REV3L: variants seen among roughly 807,000 people sequenced by gnomAD.
The protein encoded by REV3L is REV3 like, DNA directed polymerase zeta catalytic subunit.
In REV3L, 69 loss-of-function variants were observed where a neutral mutation model predicts 299.4. That is an observed-to-expected ratio of 0.23 (90% CI 0.19 to 0.28). The LOEUF (loss-of-function observed/expected upper bound fraction) is 0.28, where lower values mean the gene tolerates loss of function less well. Ranked by LOEUF, REV3L falls within the 10% of genes least tolerant of loss-of-function variation. REV3L has a pLI of 1.00. For missense variants in REV3L, 3,128 were observed against 3,693.8 expected (o/e 0.85, Z 3.97); for synonymous variants, 1,238 against 1,271.4 (o/e 0.97, Z 0.56).
intron 25 of REV3L, among the ~76,000 whole-genome samples, chr6:111,328,146 T>C (rs1775029094): frequency 1.3e-5 from 2 of 152,216 alleles, no homozygotes; most frequent in African/African-American, 4.8e-5. Context: ...ATTAAGTCAT[T>C]CTATGAAAAA....
chr6:111,478,250 T>C (rs1456192435), intron 1 of REV3L, among the ~76,000 whole-genome samples: 1 of 152,176 alleles, frequency 6.6e-6, no homozygotes, highest in Non-Finnish European at 1.5e-5. Context: ...TTATACACAT[T>C]TCTATAGTCC....
At position 111,309,755 on chromosome 6, in the gene REV3L, A is replaced by C. The variant is rs987402059; in HGVS notation, c.9042+98T>G. ...GGGACCACACTCTTCCCTTCCCAGC[A>C]CTCCCATATCAATAGCACATAAAAC... On this transcript the variant is annotated intron_variant, in intron 30 of 31. Coordinates refer to ENST00000368802, the MANE Select transcript of REV3L (RefSeq NM_001372078.1). The C allele has an allele frequency of 6.7e-6, 9 of 1,339,216 alleles. No individual in the cohort carries two copies. In the African/African-American group the frequency reaches 1.2e-4, roughly 18 times the overall value. The allele number at this position is 1,339,216 out of a possible 1,614,324, so 83.0% of individuals were successfully genotyped here.
intron 1 of REV3L, among the ~76,000 whole-genome samples, chr6:111,460,089 A>G (rs1290759197): frequency 6.6e-6 from 1 of 152,208 alleles, no homozygotes; most frequent in East Asian, 1.9e-4. Flanking sequence ...ACACAGCCAC[A>G]GAAAGAACAA....
chr6:111,374,601 C>T lies in REV3L; in HGVS notation c.3754G>A (p.Ala1252Thr). The change falls in exon 13 of 32, where the codon GCA (alanine) becomes ACA (threonine). Residue 1252 changes from alanine to threonine, a missense_variant. Physicochemically the swap from Ala to Thr is moderately conservative, Grantham distance 58. Transcript: ENST00000368802. ...AGTTGAGAGCCTCCAGAACTACTTG[C>T]AAATTCAGACACATTCTGGTGTTTC... ...VLKHQNVSEF[A>T]SSSGGSQLLF... The T allele has an allele frequency of 1.9e-6, 3 of 1,613,684 alleles. No homozygotes were observed. The highest frequency in any genetic ancestry group is 2.5e-6 in the Non-Finnish European group (3 of 1,179,880).
chr6:111,474,869 C>A (rs1005423111), intron 1 of REV3L, among the ~76,000 whole-genome samples: 4 of 151,876 alleles, frequency 2.6e-5, no homozygotes, highest in African/African-American at 9.7e-5. Context: ...AAACAGTATA[C>A]TTTAAAAGTT....
rs1189398273 is a variant in REV3L at position 111,303,165 on chromosome 6, C to CTTTTTTTTTT, written c.9253-3019_9253-3010dup. Among the ~76,000 whole-genome samples the CTTTTTTTTTT allele has an allele frequency of 5.8e-4, 54 of 92,346 alleles. 1 individual carries two copies. The highest frequency in any genetic ancestry group is 2.0e-3 in the African/African-American group (51 of 25,512). 60.6% of individuals were successfully genotyped at this position (92,346 alleles called of 152,430 possible). A position where few individuals can be genotyped will look rare whatever the true frequency, so the allele number is the denominator to read the frequency against. On this transcript the variant is annotated intron_variant, in intron 31 of 31. Transcript: ENST00000368802. ...AATGTACTGAGGCTTTCTTTTCTTT[C>CTTTTTTTTTT]TTTTTTTTTTTTTTTTTGAGATGAG...
chr6:111,307,859 A>G, intron 30 of REV3L: 1 of 349,624 alleles, frequency 2.9e-6, no homozygotes, highest in Non-Finnish European at 5.3e-6. Context: ...ATATGTATAC[A>G]TGTGCCATGT....
chr6:111,319,924 C>A (rs954609749), intron 26 of REV3L, among the ~76,000 whole-genome samples: 1 of 146,248 alleles, frequency 6.8e-6, no homozygotes, highest in Non-Finnish European at 1.5e-5. Flanking sequence ...CCAATTCCTG[C>A]GTTCAAGTGA....
chr6:111,403,734 A>T (rs1783330156), intron 4 of REV3L, among the ~76,000 whole-genome samples: 2 of 152,200 alleles, frequency 1.3e-5, no homozygotes, highest in South Asian at 4.1e-4. Flanking sequence ...TGTTCAAATG[A>T]AAGGAAGAGT....
At position 111,405,108 on chromosome 6, in the gene REV3L, T is replaced by TA. The variant is rs879801110; in HGVS notation, c.565+361dup. 5.7e-4 allele frequency among the ~76,000 whole-genome samples: 83 copies of TA among 144,484 alleles called. No homozygotes were observed. The East Asian group carries it at 0.01, about 18-fold the overall frequency. The allele number at this position is 144,484 out of a possible 152,430, so 94.8% of individuals were successfully genotyped here. A position where few individuals can be genotyped will look rare whatever the true frequency, so the allele number is the denominator to read the frequency against. Reference sequence around the variant, plus strand: ...AAAAAGTAACATTAAGGTCTGAGGTTAAAAAAAAAAAAGAATCACAATACA... The same window carrying TA: ...AAAAAGTAACATTAAGGTCTGAGGTTAAAAAAAAAAAAAGAATCACAATACA... On this transcript the variant is annotated intron_variant, in intron 4 of 31. Transcript: ENST00000368802.
chr6:111,305,056 C>T (rs921331809), intron 31 of REV3L, among the ~76,000 whole-genome samples: 2 of 151,936 alleles, frequency 1.3e-5, no homozygotes, highest in Non-Finnish European at 2.9e-5. Flanking sequence ...ATTCTCCTGC[C>T]TCAGCCTCCT....
At position 111,358,990 on chromosome 6, in the gene REV3L, C is replaced by T; in HGVS notation, c.6904G>A (p.Val2302Met). 6.2e-7 allele frequency: 1 copy of T among 1,613,612 alleles called. No individual in the cohort carries two copies. The highest frequency in any genetic ancestry group is 2.2e-5 in the East Asian group (1 of 44,872). ...CGTCTAGTTCGAGCATGCAACTCCA[C>T]ACTGATTAGGGTAAGATTTTGTATC... ...HEIQNLTLISVELHARTRRDL... is the reference protein window; with the variant it reads ...HEIQNLTLISMELHARTRRDL... The change falls in exon 17 of 32, where the codon GTG (valine) becomes ATG (methionine). Residue 2302 changes from valine (V) to methionine (M), a missense_variant. Transcript: ENST00000368802.
intron 30 of REV3L, 116 bp from the exon 31 acceptor site, chr6:111,307,686 A>G (rs1471793111): frequency 1.1e-6 from 1 of 919,540 alleles, no homozygotes; most frequent in African/African-American, 1.6e-5. Flanking sequence ...CACTCATTCA[A>G]CAAATGTTGA....
At position 111,331,695 on chromosome 6, in the gene REV3L, T is replaced by C. The variant is rs150810345; in HGVS notation, c.8015A>G (p.Asn2672Ser). ...QVRHDITVSPNGVAFVKPSVR... is the reference protein window; with the variant it reads ...QVRHDITVSPSGVAFVKPSVR... Reference sequence around the variant, plus strand: ...TATTACCTTGACAAAAGCTACTCCATTGGGGGACACTGTGATATCATGCCT... The same window carrying C: ...TATTACCTTGACAAAAGCTACTCCACTGGGGGACACTGTGATATCATGCCT... The change falls in exon 24 of 32, where the codon AAT becomes AGT. Residue 2672 changes from asparagine (N) to serine (S), a missense_variant. By Grantham distance (46) the Asn-to-Ser change is conservative (BLOSUM62 1). Coordinates refer to ENST00000368802, the MANE Select transcript of REV3L (RefSeq NM_001372078.1). 4.3e-5 allele frequency: 70 copies of C among 1,612,034 alleles called. No individual in the cohort carries two copies. Among genetic ancestry groups the C allele is most frequent in the Middle Eastern group, 1.7e-4 (1 of 6,052 alleles).
At chr6:111,401,538 T>G (rs1467155721) in intron 4 of REV3L, among the ~76,000 whole-genome samples, 2 of 152,206 alleles carry the variant, frequency 1.3e-5, no homozygotes, top group Non-Finnish European at 2.9e-5. Flanking sequence ...CATCTAAACC[T>G]GAGGTTATTA....
chr6:111,458,265 T>A (rs1402585375), intron 1 of REV3L, among the ~76,000 whole-genome samples: 1 of 151,832 alleles, frequency 6.6e-6, no homozygotes, highest in Non-Finnish European at 1.5e-5. Flanking sequence ...AACCCCTCAA[T>A]AAACTAGGTA....
rs139999631 is a variant in REV3L at position 111,377,415 on chromosome 6, C to T, written c.1597+286G>A. ...GCCATGGAGCAATCACAGCTCACTGCAGCCTCAAACCCTTGGGCTCAAGTA... is the reference window on the plus strand; with the variant it reads ...GCCATGGAGCAATCACAGCTCACTGTAGCCTCAAACCCTTGGGCTCAAGTA... On this transcript the variant is annotated intron_variant, in intron 12 of 31. Transcript: ENST00000368802. Among the ~76,000 whole-genome samples, 22 of 152,286 alleles carry T rather than the reference C, an allele frequency of 1.4e-4. No homozygotes were observed. In the East Asian group the frequency reaches 4.3e-3, roughly 29 times the overall value.
intron 1 of REV3L, among the ~76,000 whole-genome samples, chr6:111,444,003 A>G (rs1788567955): frequency 6.6e-6 from 1 of 152,234 alleles, no homozygotes; most frequent in African/African-American, 2.4e-5. Flanking sequence ...AAAACAGAGT[A>G]CCATTATTGT....
At chr6:111,430,571 C>T in intron 1 of REV3L, 1 of 1,566,572 alleles carries the variant, frequency 6.4e-7, no homozygotes, top group Non-Finnish European at 8.8e-7. Context: ...TCATGGCTGA[C>T]TTGCAGAAAA....
Sources: allele counts gnomAD v4.1 joint callset (sites outside exome capture counted in the v4.1 genomes callset), GRCh38; gene constraint gnomAD v4.1.1; transcripts MANE v1.5; gene names NCBI Gene and HGNC (gene_info 2026-07-23, HGNC 2026-07-21).